SUPT3H: variants seen among roughly 807,000 people sequenced by gnomAD.
The protein encoded by SUPT3H is SPT3 homolog, SAGA and STAGA complex component.
In SUPT3H, 44 loss-of-function variants were observed where a neutral mutation model predicts 44.3. The ratio of observed to expected loss-of-function variants is 0.99; its 90% CI spans 0.78 to 1.28. The LOEUF (loss-of-function observed/expected upper bound fraction) is 1.28, where lower values mean the gene tolerates loss of function less well. Among genes scored for constraint, SUPT3H ranks in the 50% most tolerant of loss-of-function variants. The probability of loss-of-function intolerance (pLI) is 0.00; values close to 1 mark genes in which losing one functional copy is unlikely to be tolerated. For synonymous variants in SUPT3H, 124 were observed against 125.6 expected, an observed-to-expected ratio of 0.99 and a Z score of 0.09; for missense variants, 380 against 387.1, an observed-to-expected ratio of 0.98 and a Z score of 0.15.
At chr6:45,076,892 C>T (rs375268474) in intron 3 of SUPT3H, among the ~76,000 whole-genome samples, 2 of 152,144 alleles carry the variant, frequency 1.3e-5, no homozygotes, top group African/African-American at 4.8e-5. Context: ...CTAAAAACAC[C>T]AGCTGAAACT....
At chr6:44,953,491 G>A (rs953237184) in intron 8 of SUPT3H, 74 bp from the exon 9 acceptor site, 9 of 1,172,300 alleles carry the variant, frequency 7.7e-6, no homozygotes, top group Non-Finnish European at 1.1e-5. Flanking sequence ...AAACCTAAAA[G>A]CAATACATTC....
chr6:44,937,704 T>G (rs1771689036), intron 9 of SUPT3H, among the ~76,000 whole-genome samples: 1 of 152,134 alleles, frequency 6.6e-6, no homozygotes, highest in African/African-American at 2.4e-5. Context: ...TTTATATGCC[T>G]GTTGGCCATC....
chr6:45,132,777 C>T (rs1395502797), intron 2 of SUPT3H, among the ~76,000 whole-genome samples: 1 of 152,148 alleles, frequency 6.6e-6, no homozygotes, highest in Non-Finnish European at 1.5e-5. Flanking sequence ...CACTTGTTGT[C>T]CAGATTAGTG....
intron 1 of SUPT3H, among the ~76,000 whole-genome samples, chr6:45,376,900 T>C (rs1796863208): frequency 6.6e-6 from 1 of 152,194 alleles, no homozygotes; most frequent in African/African-American, 2.4e-5. Context: ...CATATGTATA[T>C]ACATATATAT....
At chr6:45,031,197 G>A (rs951869206) in intron 3 of SUPT3H, among the ~76,000 whole-genome samples, 1 of 151,910 alleles carries the variant, frequency 6.6e-6, no homozygotes, top group African/African-American at 2.4e-5. Context: ...TCATAAAAAA[G>A]TTTATAACTT....
intron 2 of SUPT3H, among the ~76,000 whole-genome samples, chr6:45,150,347 A>C (rs2153595537): frequency 6.6e-6 from 1 of 152,264 alleles, no homozygotes; most frequent in South Asian, 2.1e-4. Flanking sequence ...CATCAGTCAA[A>C]CATACATGGA....
chr6:44,885,897 T>A (rs143395453), intron 10 of SUPT3H, among the ~76,000 whole-genome samples: 2,251 of 152,056 alleles, frequency 0.015, 59 homozygotes, highest in African/African-American at 0.049. Flanking sequence ...ATAACTAGAA[T>A]AACCAATACA....
chr6:45,298,518 T>C (rs923183869), intron 2 of SUPT3H, among the ~76,000 whole-genome samples: 4 of 151,494 alleles, frequency 2.6e-5, no homozygotes, highest in African/African-American at 9.7e-5. Flanking sequence ...TAAAATGTTA[T>C]CTCTTTTTTT....
intron 3 of SUPT3H, among the ~76,000 whole-genome samples, chr6:45,089,684 A>T (rs372250088): frequency 6.6e-6 from 1 of 151,014 alleles, no homozygotes; most frequent in African/African-American, 2.4e-5. Flanking sequence ...GCAGCTCTAC[A>T]TTTTTTTTTC....
intron 2 of SUPT3H, among the ~76,000 whole-genome samples, chr6:45,262,394 A>G (rs894645171): frequency 2.6e-5 from 4 of 152,154 alleles, no homozygotes; most frequent in Admixed American, 2.6e-4. Flanking sequence ...CAAAGTCAAC[A>G]ATAACAAGTA....
intron 2 of SUPT3H, among the ~76,000 whole-genome samples, chr6:45,227,211 G>A (rs979842757): frequency 3.3e-5 from 5 of 151,352 alleles, no homozygotes; most frequent in African/African-American, 4.8e-5. Flanking sequence ...TAAATTCCAT[G>A]ATTGAAGGAA....
rs1279604663 is a variant in SUPT3H, at chr6:45,288,491, A to G, written c.101+76710T>C. Among the ~76,000 whole-genome samples, 6 of 149,606 alleles carry G rather than the reference A, an allele frequency of 4.0e-5. No homozygotes were observed. In the Admixed American group the frequency reaches 4.0e-4, roughly 10 times the overall value. ...CAATAATGTTTTAAAATGTATTTGT[A>G]CTTTATTAATCACAGTATTTACACA... On this transcript the variant is annotated intron_variant, in intron 2 of 10. Coordinates refer to ENST00000371459, the MANE Select transcript of SUPT3H (RefSeq NM_003599.4).
chr6:45,119,951 CAAT>C (rs1194525882), intron 2 of SUPT3H, among the ~76,000 whole-genome samples: 2 of 151,894 alleles, frequency 1.3e-5, no homozygotes, highest in South Asian at 2.1e-4. Flanking sequence ...GACAAAATGA[CAAT>C]GAGTCGATTA....
At chr6:44,991,924 G>C (rs1438985063) in intron 6 of SUPT3H, among the ~76,000 whole-genome samples, 2 of 152,086 alleles carry the variant, frequency 1.3e-5, no homozygotes, top group African/African-American at 4.8e-5. Flanking sequence ...AACCAATAAA[G>C]ATAAATAAAG....
chr6:45,230,479 A>C (rs536718977), intron 2 of SUPT3H, among the ~76,000 whole-genome samples: 113 of 151,150 alleles, frequency 7.5e-4, no homozygotes, highest in Non-Finnish European at 1.4e-3. Flanking sequence ...TATAATGACC[A>C]TCTTTGTCTT....
rs140683354 is a variant in SUPT3H at position 45,203,289 on chromosome 6, T to C, written c.102-97283A>G. The stretch of plus-strand genomic sequence containing the variant: ...TAAACGGCATTAACATTTACCCAAC[T>C]GTTCAGGTCAAAATCTAAGCTGTCA... On this transcript the variant is annotated intron_variant, in intron 2 of 10. Coordinates refer to ENST00000371459, the MANE Select transcript of SUPT3H (RefSeq NM_003599.4). 3.3e-3 allele frequency among the ~76,000 whole-genome samples: 496 copies of C among 152,174 alleles called. 2 individuals are homozygous for C. The highest frequency in any genetic ancestry group is 5.9e-3 in the Non-Finnish European group (404 of 68,000).
intron 4 of SUPT3H, among the ~76,000 whole-genome samples, chr6:45,016,578 G>A (rs1317431485): frequency 2.1e-5 from 3 of 142,768 alleles, no homozygotes; most frequent in Non-Finnish European, 3.0e-5. Flanking sequence ...CCATCTATGA[G>A]TGAGAACATG....
intron 3 of SUPT3H, among the ~76,000 whole-genome samples, chr6:45,064,335 G>T (rs1792822661): frequency 6.8e-6 from 1 of 147,202 alleles, no homozygotes; most frequent in Admixed American, 6.8e-5. Context: ...GGAACAACTG[G>T]TACCAGCCGC....
chr6:45,110,873 A>C (rs1166324690), intron 2 of SUPT3H, among the ~76,000 whole-genome samples: 1 of 152,140 alleles, frequency 6.6e-6, no homozygotes, highest in Non-Finnish European at 1.5e-5. Context: ...CATAAACTGT[A>C]AGGGGAAAAT....
Sources: gnomAD v4.1 joint callset for allele counts (sites outside exome capture counted in the v4.1 genomes callset) on GRCh38, gnomAD v4.1.1 for gene constraint, MANE v1.5 for transcripts, NCBI Gene and HGNC (gene_info 2026-07-23, HGNC 2026-07-21) for gene names.